F5: variants seen among roughly 807,000 people sequenced by gnomAD.
The protein encoded by F5 is activated protein c cofactor.
F5 carries 138 observed loss-of-function variants against 216.4 expected under a neutral mutation model. That is an observed-to-expected ratio of 0.64 (90% confidence interval 0.56 to 0.73). The LOEUF (loss-of-function observed/expected upper bound fraction) is 0.73, where lower values mean the gene tolerates loss of function less well. F5 is among the 30% of genes least tolerant of loss of function. The pLI, the probability that F5 is intolerant of heterozygous loss-of-function variation, is 0.00. For missense variants in F5, 2,403 were observed against 2,674.0 expected (o/e 0.90, Z 2.24); for synonymous variants, 916 against 930.7 (o/e 0.98, Z 0.29).
intron 10 of F5, among the ~76,000 whole-genome samples, chr1:169,548,000 C>A (rs1242515008): frequency 1.3e-5 from 2 of 152,172 alleles, no homozygotes; most frequent in South Asian, 4.1e-4. Context: ...CCATAGAATA[C>A]TATGTGACCA....
intron 2 of F5, among the ~76,000 whole-genome samples, chr1:169,577,092 C>T (rs1177349504): frequency 6.6e-6 from 1 of 152,102 alleles, no homozygotes; most frequent in African/African-American, 2.4e-5. Context: ...GCCTAAAACC[C>T]TTCTAACCCT....
rs1416619327 is a variant in F5 at position 169,541,021 on chromosome 1, G to C, written c.4069C>G (p.Leu1357Val). 6.3e-7 allele frequency: 1 copy of C among 1,589,572 alleles called. No homozygotes were observed. Among genetic ancestry groups the C allele is most frequent in the African/African-American group, 1.4e-5 (1 of 73,770 alleles). The change falls in exon 13 of 25, where the codon CTT (leucine) becomes GTT (valine). Residue 1357 changes from leucine to valine, a missense_variant. Leu to Val is a conservative substitution (Grantham distance 32). Around this residue, in one of 4 missense-constraint regions of F5, gnomAD observed 293 missense variants for 270.8 expected, o/e 1.08. Coordinates refer to ENST00000367797, the MANE Select transcript of F5 (RefSeq NM_000130.5). ...GTTGTATGGCTGGGGTCTGGAGAAAGGGGCATCTGACCGAGGGCTGGGGAA... is the reference window on the plus strand; with the variant it reads ...GTTGTATGGCTGGGGTCTGGAGAAACGGGCATCTGACCGAGGGCTGGGGAA... ...NLSPALGQMP[L>V]SPDPSHTTLS...
Position 169,542,560 on chromosome 1 carries a change from C to T in F5, c.2530G>A (p.Val844Ile), listed in dbSNP as rs1659891571. 3 of 1,614,048 alleles carry T rather than the reference C, an allele frequency of 1.9e-6. No homozygotes were observed. The highest frequency in any genetic ancestry group is 2.2e-5 in the East Asian group (1 of 44,874). The change falls in exon 13 of 25, where the codon GTC becomes ATC. Residue 844 changes from valine to isoleucine, a missense_variant. Physicochemically the swap from Val to Ile is conservative, Grantham distance 29 (BLOSUM62 3). Around this residue, in one of 4 missense-constraint regions of F5, gnomAD observed 1,425 missense variants for 1,554.8 expected, o/e 0.92. Coordinates refer to ENST00000367797, the MANE Select transcript of F5 (RefSeq NM_000130.5). ...DPIEDPLQPD[V>I]TGIRLLSLGA... Reference sequence around the variant, plus strand: ...AGTGAAAGTAGACGTATCCCTGTGACATCTGGCTGTAGAGGATCCTCTATA... The same window carrying T: ...AGTGAAAGTAGACGTATCCCTGTGATATCTGGCTGTAGAGGATCCTCTATA...
intron 17 of F5, 121 bp downstream of exon 17, chr1:169,527,794 C>T: frequency 1.5e-6 from 2 of 1,317,292 alleles, no homozygotes; most frequent in East Asian, 2.5e-5. Flanking sequence ...GGCTCTATGC[C>T]AGAACCCTGT....
chr1:169,525,004 A>C, intron 18 of F5, 96 bp from the exon 19 acceptor site: 1 of 991,992 alleles, frequency 1.0e-6, no homozygotes, highest in Non-Finnish European at 1.5e-6. Flanking sequence ...CTGACTCAAT[A>C]ATTAGATATT....
At chr1:169,529,540 A>G in intron 16 of F5, 68 bp downstream of exon 16, 1 of 1,389,394 alleles carries the variant, frequency 7.2e-7, no homozygotes, top group Non-Finnish European at 1.0e-6. Context: ...GTGAATATCT[A>G]AGGGCAGAAA....
rs143280678 is a variant in F5 at position 169,550,492 on chromosome 1, G to C, written c.1396+148C>G. On this transcript the variant is annotated intron_variant, in intron 9 of 24. Transcript: ENST00000367797. ...CTAAGAGACAAAACTCCTGAAGTGA[G>C]AAGGGTTTGGCTGTGATTTTTAGGA... is the stretch of plus-strand genomic sequence containing the variant. 1,055 of 694,606 alleles carry C rather than the reference G, an allele frequency of 1.5e-3. 9 individuals are homozygous for C. The African/African-American group carries it at 0.017, about 11-fold the overall frequency. The allele number at this position is 694,606 out of a possible 1,614,324, so 43.0% of individuals were successfully genotyped here.
rs1045083016 is a variant in F5, at chr1:169,586,461, C to A, written c.-75G>T. 11 of 1,553,062 alleles carry A rather than the reference C, an allele frequency of 7.1e-6. No individual in the cohort carries two copies. In the African/African-American group the frequency reaches 1.4e-4, roughly 19 times the overall value. The stretch of plus-strand genomic sequence containing the variant: ...CGCTTGCCGAGCTGCTAACCACACT[C>A]CGGGCTGTCCCAGCTGCAATGAGCT... On this transcript the variant is annotated 5_prime_UTR_variant, in exon 1 of 25. Coordinates refer to ENST00000367797, the MANE Select transcript of F5 (RefSeq NM_000130.5).
Position 169,541,443 on chromosome 1 carries a change from T to C in F5, c.3647A>G (p.Glu1216Gly). Residue 1216 changes from glutamate to glycine, a missense_variant, in exon 13 of 25, where the codon GAA becomes GGA. Physicochemically the swap from Glu to Gly is moderately conservative, Grantham distance 98. Transcript: ENST00000367797. The stretch of plus-strand genomic sequence containing the variant: ...TGGGGAAAGGTTTCTCTGAATGAGT[T>C]CTGGAGAGAGAGTCGTGTGGCTGAG... ...PDLSHTTLSP[E>G]LIQRNLSPAL... 1.2e-6 allele frequency: 2 copies of C among 1,613,746 alleles called. No homozygotes were observed. Among genetic ancestry groups the C allele is most frequent in the Non-Finnish European group, 1.7e-6 (2 of 1,179,896 alleles).
At chr1:169,572,149 T>G in intron 3 of F5, 72 bp downstream of exon 3, 1 of 1,492,950 alleles carries the variant, frequency 6.7e-7, no homozygotes, top group Non-Finnish European at 9.2e-7. Flanking sequence ...AACAGTATAG[T>G]TTTAAATGTT....
intron 8 of F5, among the ~76,000 whole-genome samples, chr1:169,551,113 C>T (rs10919190): frequency 6.6e-6 from 1 of 152,046 alleles, no homozygotes; most frequent in African/African-American, 2.4e-5. Flanking sequence ...GACCATGATC[C>T]CCTTCCCCTG....
chr1:169,535,364 C>T (rs772418644), intron 14 of F5, among the ~76,000 whole-genome samples: 6 of 151,908 alleles, frequency 3.9e-5, no homozygotes, highest in Non-Finnish European at 5.9e-5. Context: ...TTGTGGCTTT[C>T]GTGCATTAAT....
chr1:169,527,807 T>C, intron 17 of F5, 108 bp downstream of exon 17: 1 of 1,408,930 alleles, frequency 7.1e-7, no homozygotes, highest in Non-Finnish European at 9.8e-7. Context: ...AACCCTGTGT[T>C]CTGACCCCTT....
rs2101799465 is a variant in F5 at position 169,511,979 on chromosome 1, AAAT to A, written c.*2331_*2333del. Among the ~76,000 whole-genome samples, 1 of 152,130 alleles carries A rather than the reference AAAT, an allele frequency of 6.6e-6. No homozygotes were observed. Among genetic ancestry groups the A allele is most frequent in the African/African-American group, 2.4e-5 (1 of 41,532 alleles). On this transcript the variant is annotated 3_prime_UTR_variant, in exon 25 of 25. Coordinates refer to ENST00000367797, the MANE Select transcript of F5 (RefSeq NM_000130.5). ...AAAAGTGGGTATCTTTTTTATTTCA[AAAT>A]AACAGGGGTTTTAATATTTCTACAC...
intron 2 of F5, among the ~76,000 whole-genome samples, chr1:169,573,901 T>C (rs1042707575): frequency 1.3e-5 from 2 of 152,122 alleles, no homozygotes; most frequent in Non-Finnish European, 2.9e-5. Flanking sequence ...TTGTATATAG[T>C]CAGCCCTCCA....
chr1:169,548,014 A>G (rs1041895458), intron 10 of F5, among the ~76,000 whole-genome samples: 2 of 152,254 alleles, frequency 1.3e-5, no homozygotes, highest in Non-Finnish European at 2.9e-5. Context: ...GTGACCATCA[A>G]AAAGAACAAG....
At chr1:169,520,721 A>G in intron 21 of F5, 57 bp from the exon 22 acceptor site, 1 of 1,472,948 alleles carries the variant, frequency 6.8e-7, no homozygotes, top group Non-Finnish European at 9.4e-7. Flanking sequence ...GTGACTTTAT[A>G]TTAAAATTTT....
rs767572948 is a variant in F5 at position 169,514,509 on chromosome 1, G to C, written c.6529-50C>G. On this transcript the variant is annotated intron_variant, in intron 24 of 24. Transcript: ENST00000367797. ...TTTAATGACAACATAAATGGCTAAG[G>C]TTTTTTGTTTTTGTTTTTTTTTAGA... The C allele has an allele frequency of 4.5e-6, 7 of 1,557,796 alleles. No individual in the cohort carries two copies. The African/African-American group carries it at 9.6e-5, about 21-fold the overall frequency.
intron 24 of F5, 117 bp from the exon 25 acceptor site, chr1:169,514,576 A>C: frequency 1.2e-6 from 1 of 832,410 alleles, no homozygotes. Context: ...CCAGTGGCAC[A>C]GTCATGGCTC....
Sources: allele counts gnomAD v4.1 joint callset (sites outside exome capture counted in the v4.1 genomes callset), GRCh38; gene constraint gnomAD v4.1.1; regional missense constraint gnomAD v4.1.1; transcripts MANE v1.5; gene names NCBI Gene and HGNC (gene_info 2026-07-23, HGNC 2026-07-21).